Variants in FGD5 observed in about 807,000 individuals in gnomAD.
The protein encoded by FGD5 is FYVE, RhoGEF and PH domain-containing protein 5.
In FGD5, 28 loss-of-function variants were observed where a neutral mutation model predicts 133.4. That is an observed-to-expected ratio of 0.21 (90% confidence interval 0.16 to 0.29). FGD5 has a LOEUF of 0.29. FGD5 is among the 10% of genes least tolerant of loss of function. FGD5 has a pLI of 1.00. For missense variants in FGD5, 1,858 were observed against 1,895.2 expected, an observed-to-expected ratio of 0.98 and a Z score of 0.36; for synonymous variants, 810 against 776.5, an observed-to-expected ratio of 1.04 and a Z score of -0.72.
intron 9 of FGD5, among the ~76,000 whole-genome samples, chr3:14,901,670 T>C (rs1245639156): frequency 6.6e-6 from 1 of 152,160 alleles, no homozygotes; most frequent in African/African-American, 2.4e-5. Context: ...AAGAGTTCAG[T>C]GACCAGGTAG....
intron 2 of FGD5, among the ~76,000 whole-genome samples, chr3:14,871,994 C>T (rs1178330397): frequency 1.3e-5 from 2 of 152,210 alleles, no homozygotes; most frequent in East Asian, 3.9e-4. Flanking sequence ...AGGTCCCACC[C>T]CATACTTGCC....
At chr3:14,825,201 A>G (rs755353174) in intron 1 of FGD5, among the ~76,000 whole-genome samples, 5 of 152,230 alleles carry the variant, frequency 3.3e-5, no homozygotes, top group Admixed American at 1.3e-4. Context: ...CATAGATAGT[A>G]GCATGTTAGT....
intron 2 of FGD5, among the ~76,000 whole-genome samples, chr3:14,876,907 G>C (rs557564567): frequency 6.6e-6 from 1 of 152,306 alleles, no homozygotes; most frequent in African/African-American, 2.4e-5. Context: ...AGGTTCCCTG[G>C]ACCCCTCCCG....
intron 2 of FGD5, among the ~76,000 whole-genome samples, chr3:14,865,799 G>A (rs978813892): frequency 1.3e-5 from 2 of 152,228 alleles, no homozygotes; most frequent in African/African-American, 4.8e-5. Flanking sequence ...TCCAAGTCCA[G>A]TGTTGCCTAT....
Position 14,820,996 on chromosome 3 carries a change from C to A in FGD5, c.1925C>A (p.Ser642Tyr), listed in dbSNP as rs367631926. Residue 642 changes from serine (S) to tyrosine (Y), a missense_variant, in exon 1 of 20, where the codon TCC becomes TAC. By Grantham distance (144) the Ser-to-Tyr change is moderately radical. This residue lies in a region of FGD5 where 1,824 missense variants were observed against 1,848.9 expected (regional missense o/e 0.99). Transcript: ENST00000285046. ...SSPSLLIESD[S>Y]PDKYKKKKSS... Reference sequence around the variant, plus strand: ...CCCTCACTCCTGATCGAGAGCGACTCCCCGGACAAGTACAAGAAGAAGAAG... The same window carrying A: ...CCCTCACTCCTGATCGAGAGCGACTACCCGGACAAGTACAAGAAGAAGAAG... The A allele has an allele frequency of 1.2e-6, 2 of 1,613,778 alleles. No individual in the cohort carries two copies. The highest frequency in any genetic ancestry group is 1.7e-5 in the Admixed American group (1 of 60,000).
At chr3:14,927,700 A>G (rs895593200) in intron 18 of FGD5, among the ~76,000 whole-genome samples, 1 of 152,136 alleles carries the variant, frequency 6.6e-6, no homozygotes, top group African/African-American at 2.4e-5. Context: ...GCAACTTGCT[A>G]TTTAGTAACA....
In FGD5 at chr3:14,821,521, A is replaced by G. The variant is rs2036503267; in HGVS notation, c.2450A>G (p.Asn817Ser). ...AGAGCCCTGTCCACAGCAAACGAAA[A>G]TGATGGCTACGTGGACATGAGCAGC... The part of the protein sequence containing the change: ...QSRALSTANE[N>S]DGYVDMSSFN... Residue 817 changes from asparagine to serine, a missense_variant, in exon 1 of 20, where the codon AAT (asparagine) becomes AGT (serine). Transcript: ENST00000285046. 6.2e-7 allele frequency: 1 copy of G among 1,613,964 alleles called. No individual in the cohort carries two copies. The highest frequency in any genetic ancestry group is 8.5e-7 in the Non-Finnish European group (1 of 1,179,870).
At chr3:14,914,996 T>C (rs1282557485) in intron 11 of FGD5, among the ~76,000 whole-genome samples, 3 of 152,248 alleles carry the variant, frequency 2.0e-5, no homozygotes, top group Non-Finnish European at 4.4e-5. Context: ...CAGACACCGA[T>C]TTTTGTTGAT....
intron 1 of FGD5, among the ~76,000 whole-genome samples, chr3:14,835,270 G>A (rs367605330): frequency 7.9e-5 from 12 of 152,326 alleles, no homozygotes; most frequent in Admixed American, 2.6e-4. Context: ...GGCTGAGGCA[G>A]ACAGATCACC....
Position 14,922,914 on chromosome 3 carries a change from A to G in FGD5, c.3808-132A>G, listed in dbSNP as rs1019095700. The G allele has an allele frequency of 1.7e-5, 22 of 1,290,190 alleles. No homozygotes were observed. Among genetic ancestry groups the G allele is most frequent in the Non-Finnish European group, 2.1e-5 (19 of 919,058 alleles). The allele number at this position is 1,290,190 out of a possible 1,614,324, so 79.9% of individuals were successfully genotyped here. On this transcript the variant is annotated intron_variant, in intron 15 of 19. Coordinates refer to ENST00000285046, the MANE Select transcript of FGD5 (RefSeq NM_152536.4). This position sits in a 1 kb window ranked among gnomAD's most constrained non-coding sequence, Gnocchi z 4.1. ...TGCCGGAAAAGTAGGGGACACGCAC[A>G]GCTCCATGATCAGAACCTGGGGCTC...
intron 1 of FGD5, among the ~76,000 whole-genome samples, chr3:14,839,493 T>C (rs1346159740): frequency 6.6e-6 from 1 of 152,046 alleles, no homozygotes; most frequent in African/African-American, 2.4e-5. Flanking sequence ...AACTACTGAG[T>C]GTATAGAGAT....
chr3:14,863,990 G>A (rs2037448132), intron 1 of FGD5, 138 bp from the exon 2 acceptor site: 1 of 1,229,812 alleles, frequency 8.1e-7, no homozygotes, highest in Non-Finnish European at 1.1e-6. Flanking sequence ...TGTGGCTGGG[G>A]GTGGGGAAGT....
rs1449275374 is a variant in FGD5 at position 14,926,099 on chromosome 3, C to T, written c.4098C>T (p.Ile1366=). 6.2e-7 allele frequency: 1 copy of T among 1,613,914 alleles called. No homozygotes were observed. The highest frequency in any genetic ancestry group is 2.2e-5 in the East Asian group (1 of 44,882). The change falls in exon 18 of 20, where the codon ATC becomes ATT. Residue 1366 remains isoleucine (I), a synonymous_variant. Transcript: ENST00000285046. ...EVAASGEGSA[I]SGYLSRCKRG... Reference sequence around the variant, plus strand: ...CTGCCTCTGGAGAGGGCTCTGCCATCAGTGGCTATCTCAGCCGGTGTAAGA... The same window carrying T: ...CTGCCTCTGGAGAGGGCTCTGCCATTAGTGGCTATCTCAGCCGGTGTAAGA...
chr3:14,933,008 A>G, intron 19 of FGD5, 123 bp from the exon 20 acceptor site: 1 of 1,200,386 alleles, frequency 8.3e-7, no homozygotes, highest in Non-Finnish European at 1.2e-6. Context: ...AACAAATACA[A>G]TTACGACATG....
At chr3:14,898,180 T>C in intron 6 of FGD5, 85 bp downstream of exon 6, 1 of 1,543,290 alleles carries the variant, frequency 6.5e-7, no homozygotes, top group South Asian at 1.2e-5. Context: ...CAGTGGGACA[T>C]CTTGGTAGGT....
intron 9 of FGD5, among the ~76,000 whole-genome samples, chr3:14,901,333 C>T (rs965014552): frequency 1.1e-4 from 17 of 152,222 alleles, no homozygotes; most frequent in African/African-American, 4.1e-4. Flanking sequence ...ACCTGGGGTG[C>T]TTTGTAAACT....
chr3:14,820,518 C>T lies in FGD5; in HGVS notation c.1447C>T (p.Arg483Trp), dbSNP rs560710091. ...ADRKNTSTRV[R>W]PHSGKVAGYV... ...CAGGAAGAACACCAGCACGAGGGTCCGGCCCCACTCTGGGAAGGTGGCCGG... is the reference window on the plus strand; with the variant it reads ...CAGGAAGAACACCAGCACGAGGGTCTGGCCCCACTCTGGGAAGGTGGCCGG... The change falls in exon 1 of 20, where the codon CGG becomes TGG. Residue 483 changes from arginine to tryptophan, a missense_variant. By Grantham distance (101) the Arg-to-Trp change is moderately radical. Transcript: ENST00000285046. 2.2e-5 allele frequency: 36 copies of T among 1,613,888 alleles called. No individual in the cohort carries two copies. The highest frequency in any genetic ancestry group is 1.6e-4 in the East Asian group (7 of 44,866).
Position 14,820,822 on chromosome 3 carries a change from C to G in FGD5, c.1751C>G (p.Ser584Cys). The change falls in exon 1 of 20, where the codon TCT becomes TGT. Residue 584 changes from serine (S) to cysteine (C), a missense_variant. Around this residue, in one of 3 missense-constraint regions of FGD5, gnomAD observed 1,824 missense variants for 1,848.9 expected, o/e 0.99. Transcript: ENST00000285046. ...ATAAAGAGGAAAGAGGACAATCTCTCTCTGTCGTGTGTAATTGGCTCCTCT... is the reference window on the plus strand; with the variant it reads ...ATAAAGAGGAAAGAGGACAATCTCTGTCTGTCGTGTGTAATTGGCTCCTCT... ...HRIKRKEDNL[S>C]LSCVIGSSGS... 1.9e-6 allele frequency: 3 copies of G among 1,613,874 alleles called. No individual in the cohort carries two copies. The highest frequency in any genetic ancestry group is 1.1e-5 in the South Asian group (1 of 91,062).
intron 4 of FGD5, among the ~76,000 whole-genome samples, chr3:14,890,850 T>G (rs2038012967): frequency 6.6e-6 from 1 of 152,226 alleles, no homozygotes; most frequent in Non-Finnish European, 1.5e-5. Flanking sequence ...CTCCCAGCAC[T>G]GTACAATTGA....
Sources: allele counts gnomAD v4.1 joint callset (sites outside exome capture counted in the v4.1 genomes callset), GRCh38; gene constraint gnomAD v4.1.1; regional missense constraint gnomAD v4.1.1; non-coding constraint Gnocchi (gnomAD v3.1); transcripts MANE v1.5; gene names NCBI Gene and HGNC (gene_info 2026-07-23, HGNC 2026-07-21).